Variants in TEK observed in about 807,000 individuals in gnomAD.
The protein encoded by TEK is TEK receptor tyrosine kinase.
Under a neutral mutation model 131.8 loss-of-function variants are expected in TEK, and 43 were observed. The ratio of observed to expected loss-of-function variants is 0.33; its 90% CI spans 0.26 to 0.42. The LOEUF (loss-of-function observed/expected upper bound fraction) is 0.42, where lower values mean the gene tolerates loss of function less well. Ranked by LOEUF, TEK falls within the 10% of genes least tolerant of loss-of-function variation. TEK has a pLI of 1.00. For missense variants in TEK, 1,162 were observed against 1,384.4 expected, an observed-to-expected ratio of 0.84 and a Z score of 2.55; for synonymous variants, 580 against 491.6, an observed-to-expected ratio of 1.18 and a Z score of -2.38.
intron 1 of TEK, among the ~76,000 whole-genome samples, chr9:27,140,930 T>C (rs994563408): frequency 2.6e-4 from 40 of 151,346 alleles, no homozygotes; most frequent in African/African-American, 9.8e-4. Context: ...CTGAAACTAG[T>C]ATTATTTTTG....
intron 22 of TEK, 100 bp from the exon 23 acceptor site, chr9:27,229,058 A>G (rs1050305758): frequency 4.3e-5 from 41 of 957,690 alleles, no homozygotes; most frequent in Admixed American, 1.9e-4. Flanking sequence ...TTAGTATATG[A>G]GTTGCAACAA....
rs557296459 is a variant in TEK, at chr9:27,185,150, G to A, written c.1183-335G>A. 3.3e-5 allele frequency among the ~76,000 whole-genome samples: 5 copies of A among 152,016 alleles called. No individual in the cohort carries two copies. The South Asian group carries it at 8.3e-4, about 25-fold the overall frequency. On this transcript the variant is annotated intron_variant, in intron 8 of 22. Coordinates refer to ENST00000380036, the MANE Select transcript of TEK (RefSeq NM_000459.5). ...TTAGGAAGTCACTTTGTCCTCCCAC[G>A]CAGCCATCTCTGTGTTAGATAGGAA...
At chr9:27,175,589 T>C (rs28555352) in intron 6 of TEK, among the ~76,000 whole-genome samples, 11,539 of 151,882 alleles carry the variant, frequency 0.076, 642 homozygotes, top group African/African-American at 0.15. Context: ...GTTGAACTAG[T>C]TTTCAGTCCC....
chr9:27,136,332 G>A (rs1403036763), intron 1 of TEK, among the ~76,000 whole-genome samples: 2 of 151,996 alleles, frequency 1.3e-5, no homozygotes, highest in South Asian at 2.1e-4. Flanking sequence ...CACCCACCTC[G>A]GTCTCCCAAA....
At chr9:27,171,554 T>C (rs1823958083) in intron 4 of TEK, among the ~76,000 whole-genome samples, 1 of 152,226 alleles carries the variant, frequency 6.6e-6, no homozygotes, top group Non-Finnish European at 1.5e-5. Flanking sequence ...TGCTCCATGC[T>C]TAGCCACCTC....
chr9:27,218,308 G>C (rs1236517166), intron 19 of TEK, among the ~76,000 whole-genome samples: 2 of 151,972 alleles, frequency 1.3e-5, no homozygotes, highest in South Asian at 2.1e-4. Flanking sequence ...GCATGAGGAG[G>C]GGGTGGGCAA....
At chr9:27,216,157 A>G (rs1053748510) in intron 18 of TEK, among the ~76,000 whole-genome samples, 2 of 152,192 alleles carry the variant, frequency 1.3e-5, no homozygotes, top group African/African-American at 2.4e-5. Flanking sequence ...GGATCTTGGA[A>G]CCATAGGGAC....
At chr9:27,180,782 T>A (rs902802635) in intron 7 of TEK, among the ~76,000 whole-genome samples, 2 of 152,198 alleles carry the variant, frequency 1.3e-5, no homozygotes, top group African/African-American at 4.8e-5. Context: ...ATGCTCAAAA[T>A]GAAATTTTAT....
intron 17 of TEK, 120 bp downstream of exon 17, chr9:27,213,017 C>A: frequency 9.3e-7 from 1 of 1,078,690 alleles, no homozygotes; most frequent in Non-Finnish European, 1.4e-6. Context: ...AAATCTCCCT[C>A]ATTTTAATCT....
intron 2 of TEK, among the ~76,000 whole-genome samples, chr9:27,163,433 G>GA (rs1439047875): frequency 6.6e-6 from 1 of 152,150 alleles, no homozygotes; most frequent in Non-Finnish European, 1.5e-5. Flanking sequence ...TGAGGTCTCT[G>GA]AAAATTCCTA....
chr9:27,136,967 G>A (rs1369146442), intron 1 of TEK, among the ~76,000 whole-genome samples: 1 of 152,096 alleles, frequency 6.6e-6, no homozygotes, highest in East Asian at 1.9e-4. Flanking sequence ...CCAGGCTGGA[G>A]TGCAGTGGCG....
At chr9:27,182,268 C>G (rs553166017) in intron 7 of TEK, among the ~76,000 whole-genome samples, 3 of 152,136 alleles carry the variant, frequency 2.0e-5, no homozygotes, top group Non-Finnish European at 4.4e-5. Flanking sequence ...TTCCCAGATT[C>G]CACTTTAGCC....
At chr9:27,173,175 G>T in intron 5 of TEK, 47 bp from the exon 6 acceptor site, 1 of 1,610,452 alleles carries the variant, frequency 6.2e-7, no homozygotes, top group Non-Finnish European at 8.5e-7. Flanking sequence ...TGTATTTCAA[G>T]GGGTTGCATA....
chr9:27,171,646 G>T lies in TEK; in HGVS notation c.629-970G>T, dbSNP rs925169234. Reference sequence around the variant, plus strand: ...GAGGGGAATCTTTCCACGTACCCAAGACCTATTTCCTTCTGGATGACTACT... The same window carrying T: ...GAGGGGAATCTTTCCACGTACCCAATACCTATTTCCTTCTGGATGACTACT... On this transcript the variant is annotated intron_variant, in intron 4 of 22. Transcript: ENST00000380036. Among the ~76,000 whole-genome samples, 7 of 152,154 alleles carry T rather than the reference G, an allele frequency of 4.6e-5. No homozygotes were observed. The East Asian group carries it at 1.3e-3, about 29-fold the overall frequency.
chr9:27,202,343 G>C (rs1825246539), intron 12 of TEK, among the ~76,000 whole-genome samples: 2 of 152,202 alleles, frequency 1.3e-5, no homozygotes, highest in African/African-American at 4.8e-5. Flanking sequence ...CAGACTGCCA[G>C]GAGTTGAATC....
chr9:27,225,554 T>G (rs750538356), intron 21 of TEK, among the ~76,000 whole-genome samples: 8 of 152,170 alleles, frequency 5.3e-5, no homozygotes, highest in Non-Finnish European at 1.0e-4. Flanking sequence ...AAACTGAAAT[T>G]GGACCCCTTC....
chr9:27,220,185 T>C (rs1249690497), intron 21 of TEK, 40 bp downstream of exon 21: 1 of 1,598,526 alleles, frequency 6.3e-7, no homozygotes, highest in Non-Finnish European at 8.6e-7. Flanking sequence ...TGTCTTACCT[T>C]CCCCCTGTGT....
chr9:27,168,480 T>A lies in TEK; in HGVS notation c.365-15T>A, dbSNP rs747027472. 1.9e-6 allele frequency: 3 copies of A among 1,601,164 alleles called. No individual in the cohort carries two copies. Among genetic ancestry groups the A allele is most frequent in the Non-Finnish European group, 2.6e-6 (3 of 1,168,524 alleles). ...GTGATCCCATTTTTGGTATTTGTTT[T>A]CTCTCTTTTAAAAGCTTCCTTCCTA... On this transcript the variant is annotated splice_polypyrimidine_tract_variant and intron_variant, in intron 2 of 22. Coordinates refer to ENST00000380036, the MANE Select transcript of TEK (RefSeq NM_000459.5).
intron 7 of TEK, among the ~76,000 whole-genome samples, chr9:27,181,956 G>T (rs570573437): frequency 2.6e-5 from 4 of 151,124 alleles, no homozygotes; most frequent in African/African-American, 9.7e-5. Flanking sequence ...GGGAGTGGGG[G>T]TGGGATGCCA....
Sources: allele counts gnomAD v4.1 joint callset (sites outside exome capture counted in the v4.1 genomes callset), GRCh38; gene constraint gnomAD v4.1.1; transcripts MANE v1.5; gene names NCBI Gene and HGNC (gene_info 2026-07-23, HGNC 2026-07-21).